Variants in ZC3H14 observed in about 807,000 individuals in gnomAD.
ZC3H14 encodes zinc finger CCCH domain-containing protein 14.
Under a neutral mutation model 92.4 loss-of-function variants are expected in ZC3H14, and 31 were observed. The observed-to-expected ratio is 0.34, with a 90% CI of 0.25 to 0.45. The LOEUF (loss-of-function observed/expected upper bound fraction) is 0.45, where lower values mean the gene tolerates loss of function less well. Ranked by LOEUF, ZC3H14 falls within the 20% of genes least tolerant of loss-of-function variation. The pLI, the probability that ZC3H14 is intolerant of heterozygous loss-of-function variation, is 1.00. For missense variants in ZC3H14, 781 were observed against 897.3 expected (o/e 0.87, Z 1.66); for synonymous variants, 321 against 300.9 (o/e 1.07, Z -0.69).
intron 10 of ZC3H14, among the ~76,000 whole-genome samples, chr14:88,600,226 C>T (rs1195167203): frequency 1.3e-5 from 2 of 152,234 alleles, no homozygotes; most frequent in African/African-American, 4.8e-5. Flanking sequence ...CTGGGGAAGG[C>T]GGGCACGCCC....
At chr14:88,579,940 A>G (rs904033193) in intron 9 of ZC3H14, among the ~76,000 whole-genome samples, 3 of 152,220 alleles carry the variant, frequency 2.0e-5, no homozygotes, top group African/African-American at 7.2e-5. Flanking sequence ...GGCTGGGTGC[A>G]GTGGCTCATG....
In ZC3H14 at chr14:88,613,383, C is replaced by CTT; in HGVS notation, c.*1635_*1636dup. The CTT allele has an allele frequency of 6.6e-6, 1 of 151,980 alleles. No individual in the cohort carries two copies. Among genetic ancestry groups the CTT allele is most frequent in the East Asian group, 1.9e-4 (1 of 5,194 alleles). 9.4% of individuals were successfully genotyped at this position (151,980 alleles called of 1,614,324 possible). ...TAAATTGTTTAAATATCTGGAAATACTTTTAGCTATCATTTATAAAGATAG... is the reference window on the plus strand; with the variant it reads ...TAAATTGTTTAAATATCTGGAAATACTTTTTTAGCTATCATTTATAAAGATAG... On this transcript the variant is annotated 3_prime_UTR_variant, in exon 17 of 17. Coordinates refer to ENST00000251038, the MANE Select transcript of ZC3H14 (RefSeq NM_024824.5).
intron 9 of ZC3H14, among the ~76,000 whole-genome samples, chr14:88,588,685 C>A (rs1034256286): frequency 6.6e-6 from 1 of 152,060 alleles, no homozygotes; most frequent in African/African-American, 2.4e-5. Context: ...AATACTCTTG[C>A]ATTATTTGTT....
intron 2 of ZC3H14, among the ~76,000 whole-genome samples, chr14:88,566,881 C>T (rs1328915265): frequency 6.6e-6 from 1 of 150,442 alleles, no homozygotes; most frequent in Non-Finnish European, 1.5e-5. Context: ...GATTGTGCCA[C>T]TACACTCCAA....
At chr14:88,584,599 C>T (rs2082267284) in intron 9 of ZC3H14, among the ~76,000 whole-genome samples, 1 of 152,202 alleles carries the variant, frequency 6.6e-6, no homozygotes, top group Non-Finnish European at 1.5e-5. Context: ...TAGTTACCTC[C>T]TGTTGCTTTA....
In ZC3H14 at chr14:88,609,205, C is replaced by G. The variant is rs542983275; in HGVS notation, c.1869-62C>G. The G allele has an allele frequency of 6.3e-5, 101 of 1,606,652 alleles. 1 individual carries two copies. In the South Asian group the frequency reaches 1.0e-3, roughly 16 times the overall value. On this transcript the variant is annotated intron_variant, in intron 13 of 16. Coordinates refer to ENST00000251038, the MANE Select transcript of ZC3H14 (RefSeq NM_024824.5). ...ATGGGGAGTGTAAAGAGCCCTTATA[C>G]ACAGAACTAATAATGCATTGAGAAG...
In ZC3H14 at chr14:88,571,075, T is replaced by C. The variant is rs1324302887; in HGVS notation, c.195-9T>C. ...AAGGTTTATTTTTGTTTTTTGTTTT[T>C]TTCCTCAGGCTTCATGGTGTATTAG... On this transcript the variant is annotated splice_polypyrimidine_tract_variant and intron_variant, in intron 3 of 16. Transcript: ENST00000251038. 6.5e-7 allele frequency: 1 copy of C among 1,533,300 alleles called. No homozygotes were observed. Among genetic ancestry groups the C allele is most frequent in the Non-Finnish European group, 8.8e-7 (1 of 1,139,048 alleles). 95.0% of individuals were successfully genotyped at this position (1,533,300 alleles called of 1,614,324 possible).
Position 88,622,476 on chromosome 14 carries a change from T to C in ZC3H14, c.*10725T>C. On this transcript the variant is annotated 3_prime_UTR_variant, in exon 17 of 17. Transcript: ENST00000251038. ...AAAGAAAGCAGCAAAGACAGAGTAA[T>C]GTTGGCAAGCAAATCCATCGTTATG... is the stretch of plus-strand genomic sequence containing the variant. The C allele has an allele frequency of 2.9e-6, 2 of 693,272 alleles. No homozygotes were observed. The highest frequency in any genetic ancestry group is 4.3e-6 in the Non-Finnish European group (2 of 462,692). The allele number at this position is 693,272 out of a possible 1,614,324, so 42.9% of individuals were successfully genotyped here.
chr14:88,606,369 G>A (rs931677006), intron 12 of ZC3H14, among the ~76,000 whole-genome samples: 69 of 152,228 alleles, frequency 4.5e-4, no homozygotes, highest in African/African-American at 1.5e-3. Context: ...GTCCCTTATT[G>A]CATTTATCAT....
chr14:88,573,251 G>A (rs1005432533), intron 6 of ZC3H14, among the ~76,000 whole-genome samples: 3 of 151,752 alleles, frequency 2.0e-5, no homozygotes, highest in African/African-American at 7.2e-5. Context: ...ATGGTGGCAG[G>A]CGCCTGTAGT....
At chr14:88,563,306 C>G (rs1018492156) in intron 1 of ZC3H14, 137 bp downstream of exon 1, 2 of 1,525,300 alleles carry the variant, frequency 1.3e-6, no homozygotes, top group Non-Finnish European at 1.8e-6. Context: ...TGCGGCTCCT[C>G]CTCGTCCAGG....
In ZC3H14 at chr14:88,617,357, G is replaced by C. The variant is rs1483400815; in HGVS notation, c.*5606G>C. ...AGACAGGGTTTCTCCATGTTGGTCA[G>C]GCTAGTCTCGAACTCCCGACCTCAG... is the stretch of plus-strand genomic sequence containing the variant. On this transcript the variant is annotated 3_prime_UTR_variant, in exon 17 of 17. Transcript: ENST00000251038. 1 of 153,214 alleles carries C rather than the reference G, an allele frequency of 6.5e-6. No individual in the cohort carries two copies. Among genetic ancestry groups the C allele is most frequent in the African/African-American group, 2.4e-5 (1 of 41,394 alleles). 9.5% of individuals were successfully genotyped at this position (153,214 alleles called of 1,614,324 possible). A position where few individuals can be genotyped will look rare whatever the true frequency, so the allele number is the denominator to read the frequency against.
chr14:88,599,666 CAT>C (rs1275296443), intron 10 of ZC3H14, among the ~76,000 whole-genome samples: 3 of 152,204 alleles, frequency 2.0e-5, no homozygotes, highest in Admixed American at 6.5e-5. Flanking sequence ...CTTTCATTCT[CAT>C]GTGTCAGCGC....
intron 2 of ZC3H14, among the ~76,000 whole-genome samples, chr14:88,566,691 G>C (rs1488349343): frequency 6.6e-6 from 1 of 152,136 alleles, no homozygotes; most frequent in East Asian, 1.9e-4. Flanking sequence ...AGGCCGAGGT[G>C]GGTGGATCAC....
chr14:88,570,642 T>C (rs1274273614), intron 3 of ZC3H14, among the ~76,000 whole-genome samples: 1 of 152,214 alleles, frequency 6.6e-6, no homozygotes, highest in African/African-American at 2.4e-5. Flanking sequence ...GTGACATATT[T>C]TGTAGACTAA....
In ZC3H14 at chr14:88,625,272, G is replaced by A. The variant is rs921541230; in HGVS notation, c.*13521G>A. 31 of 927,868 alleles carry A rather than the reference G, an allele frequency of 3.3e-5. No homozygotes were observed. Among genetic ancestry groups the A allele is most frequent in the Admixed American group, 9.2e-5 (3 of 32,742 alleles). 57.5% of individuals were successfully genotyped at this position (927,868 alleles called of 1,614,324 possible). A position where few individuals can be genotyped will look rare whatever the true frequency, so the allele number is the denominator to read the frequency against. ...GTAGTGGCAGCAGCACTGAATTCAC[G>A]AGTCAGGAAACCTGAACGGGAGGCT... On this transcript the variant is annotated 3_prime_UTR_variant, in exon 17 of 17. Transcript: ENST00000251038.
Position 88,614,706 on chromosome 14 carries a change from T to C in ZC3H14, c.*2955T>C, listed in dbSNP as rs1332112701. On this transcript the variant is annotated 3_prime_UTR_variant, in exon 17 of 17. Transcript: ENST00000251038. ...ATTCCTGAATGATGAGTAGTGATCT[T>C]TGGCAGCATTTAAAGTGAAAAGAAA... is the stretch of plus-strand genomic sequence containing the variant. 4 of 152,198 alleles carry C rather than the reference T, an allele frequency of 2.6e-5. No homozygotes were observed. The highest frequency in any genetic ancestry group is 2.1e-4 in the South Asian group (1 of 4,832). The allele number at this position is 152,198 out of a possible 1,614,324, so 9.4% of individuals were successfully genotyped here.
rs1260162851 is a variant in ZC3H14, at chr14:88,621,789, A to T, written c.*10038A>T. 2 of 365,674 alleles carry T rather than the reference A, an allele frequency of 5.5e-6. No homozygotes were observed. Among genetic ancestry groups the T allele is most frequent in the Non-Finnish European group, 1.1e-5 (2 of 182,786 alleles). The allele number at this position is 365,674 out of a possible 1,614,324, so 22.7% of individuals were successfully genotyped here. On this transcript the variant is annotated 3_prime_UTR_variant, in exon 17 of 17. Transcript: ENST00000251038. ...GTTGTAGTTTTGAATTTTTATTTTG[A>T]AATTGACACATAATTATACATATCT...
At chr14:88,594,469 A>C in intron 9 of ZC3H14, 2 of 1,304,794 alleles carry the variant, frequency 1.5e-6, no homozygotes, top group Non-Finnish European at 2.0e-6. Flanking sequence ...AGGGCTTCTT[A>C]GTTGTAGCGA....
Sources: allele counts gnomAD v4.1 joint callset (sites outside exome capture counted in the v4.1 genomes callset), GRCh38; gene constraint gnomAD v4.1.1; transcripts MANE v1.5; gene names NCBI Gene and HGNC (gene_info 2026-07-23, HGNC 2026-07-21).